CCSER1: variants seen among roughly 807,000 people sequenced by gnomAD.
CCSER1 encodes the protein serine-rich coiled-coil domain-containing protein 1.
Under a neutral mutation model 82.0 loss-of-function variants are expected in CCSER1, and 41 were observed. That is an observed-to-expected ratio of 0.50 (90% CI 0.39 to 0.65). The LOEUF is 0.65. CCSER1 is among the 30% of genes least tolerant of loss of function. The pLI is 0.00. For synonymous variants in CCSER1, 414 were observed against 383.9 expected (o/e 1.08, Z -0.92); for missense variants, 1,119 against 1,064.2 (o/e 1.05, Z -0.72).
At chr4:91,292,926 A>G (rs1028680111) in intron 10 of CCSER1, among the ~76,000 whole-genome samples, 10 of 151,924 alleles carry the variant, frequency 6.6e-5, no homozygotes, top group Non-Finnish European at 1.5e-4. Context: ...CCCATATGAC[A>G]TCTACAGAGA....
At chr4:90,896,196 G>A (rs1723684170) in intron 8 of CCSER1, among the ~76,000 whole-genome samples, 1 of 151,924 alleles carries the variant, frequency 6.6e-6, no homozygotes, top group Non-Finnish European at 1.5e-5. Flanking sequence ...GCCTTTCACT[G>A]GTACAAGGAA....
chr4:90,222,837 C>A (rs557563630), intron 1 of CCSER1, among the ~76,000 whole-genome samples: 2 of 152,236 alleles, frequency 1.3e-5, no homozygotes, highest in South Asian at 4.1e-4. Context: ...TGCAGAGTTT[C>A]TGTGAACCCT....
chr4:91,549,808 C>A (rs1298751174), intron 10 of CCSER1, among the ~76,000 whole-genome samples: 1 of 152,096 alleles, frequency 6.6e-6, no homozygotes, highest in Non-Finnish European at 1.5e-5. Context: ...GCACTTCAAC[C>A]TGGGCAACAG....
chr4:91,456,776 G>T (rs1477737049), intron 10 of CCSER1, among the ~76,000 whole-genome samples: 1 of 151,824 alleles, frequency 6.6e-6, no homozygotes, highest in Non-Finnish European at 1.5e-5. Context: ...ACTTAAGTTG[G>T]TCAGGAACCA....
At chr4:90,965,262 T>C (rs1472963608) in intron 9 of CCSER1, among the ~76,000 whole-genome samples, 2 of 152,072 alleles carry the variant, frequency 1.3e-5, no homozygotes, top group African/African-American at 4.8e-5. Flanking sequence ...TGGGAGATGA[T>C]ATGTCTACAG....
intron 9 of CCSER1, among the ~76,000 whole-genome samples, chr4:91,034,000 G>A (rs1388191702): frequency 6.6e-6 from 1 of 152,130 alleles, no homozygotes; most frequent in African/African-American, 2.4e-5. Context: ...CAAAGAGGAA[G>A]CACCCTTTGG....
chr4:90,332,382 G>A lies in CCSER1; in HGVS notation c.1509+19335G>A, dbSNP rs540469364. 2.2e-4 allele frequency among the ~76,000 whole-genome samples: 34 copies of A among 151,752 alleles called. No homozygotes were observed. The South Asian group carries it at 3.1e-3, about 14-fold the overall frequency. On this transcript the variant is annotated intron_variant, in intron 3 of 10. Transcript: ENST00000509176. ...CTCCCACGTAGCTGGGATTACAAGC[G>A]TGCGCTACCACCCTGGGCTAACTTT...
intron 10 of CCSER1, among the ~76,000 whole-genome samples, chr4:91,173,675 T>A: frequency 6.6e-6 from 1 of 151,756 alleles, no homozygotes; most frequent in Middle Eastern, 3.2e-3. Flanking sequence ...AGGAAAAGAC[T>A]GGAGTATGCA....
chr4:90,411,063 G>A lies in CCSER1; in HGVS notation c.1603+10934G>A, dbSNP rs189627090. Among the ~76,000 whole-genome samples the A allele has an allele frequency of 1.2e-4, 18 of 152,224 alleles. No individual in the cohort carries two copies. The East Asian group carries it at 2.7e-3, about 23-fold the overall frequency. ...ATTCCTGGACACATACACCTCCTAA[G>A]GCTAAACCAGGAAGAAGTTGAATCA... On this transcript the variant is annotated intron_variant, in intron 4 of 10. Coordinates refer to ENST00000509176, the MANE Select transcript of CCSER1 (RefSeq NM_001145065.2).
chr4:90,363,386 A>G (rs1011275353), intron 3 of CCSER1, among the ~76,000 whole-genome samples: 1 of 152,280 alleles, frequency 6.6e-6, no homozygotes, highest in East Asian at 1.9e-4. Flanking sequence ...AGAGAAAATC[A>G]TAGACTTTTT....
chr4:90,954,490 A>T (rs577312797), intron 9 of CCSER1, among the ~76,000 whole-genome samples: 9 of 152,200 alleles, frequency 5.9e-5, no homozygotes, highest in African/African-American at 1.9e-4. Context: ...GTGAATCACA[A>T]GGATCTGAAG....
At chr4:91,357,554 C>T (rs1252314759) in intron 10 of CCSER1, among the ~76,000 whole-genome samples, 1 of 151,764 alleles carries the variant, frequency 6.6e-6, no homozygotes, top group Admixed American at 6.6e-5. Flanking sequence ...TTTTTTTAAC[C>T]TTTTAATGTA....
At chr4:91,356,827 G>T (rs1463575530) in intron 10 of CCSER1, among the ~76,000 whole-genome samples, 1 of 152,142 alleles carries the variant, frequency 6.6e-6, no homozygotes, top group Non-Finnish European at 1.5e-5. Context: ...CCTCGGGGAT[G>T]ACCTGCAGGG....
intron 9 of CCSER1, among the ~76,000 whole-genome samples, chr4:90,957,819 G>T (rs1261556858): frequency 6.7e-6 from 1 of 150,244 alleles, no homozygotes; most frequent in African/African-American, 2.5e-5. Flanking sequence ...TAAATATTTA[G>T]GCAATACTCA....
chr4:90,201,543 ATAT>A (rs1371906579), intron 1 of CCSER1, among the ~76,000 whole-genome samples: 7 of 149,242 alleles, frequency 4.7e-5, no homozygotes, highest in Admixed American at 2.0e-4. Flanking sequence ...TATATCTAAA[ATAT>A]TATAATTTAA....
At chr4:91,049,662 T>G (rs1742826078) in intron 9 of CCSER1, among the ~76,000 whole-genome samples, 1 of 152,260 alleles carries the variant, frequency 6.6e-6, no homozygotes, top group East Asian at 1.9e-4. Context: ...TGTGGGAAAA[T>G]CTAAATGTAA....
chr4:90,794,841 C>A (rs1432660877), intron 7 of CCSER1, among the ~76,000 whole-genome samples: 1 of 152,102 alleles, frequency 6.6e-6, no homozygotes, highest in Non-Finnish European at 1.5e-5. Flanking sequence ...TCTGTGATTT[C>A]TTCGAGAAGT....
At chr4:91,271,661 A>C (rs1742035391) in intron 10 of CCSER1, among the ~76,000 whole-genome samples, 2 of 152,052 alleles carry the variant, frequency 1.3e-5, no homozygotes, top group South Asian at 4.1e-4. Flanking sequence ...ACATATATAC[A>C]CACATATATA....
intron 9 of CCSER1, among the ~76,000 whole-genome samples, chr4:91,080,373 A>T (rs1183719353): frequency 6.6e-6 from 1 of 152,214 alleles, no homozygotes; most frequent in African/African-American, 2.4e-5. Flanking sequence ...AACCAATGAG[A>T]ACAAAGACAC....
Sources: gnomAD v4.1 joint callset for allele counts (sites outside exome capture counted in the v4.1 genomes callset) on GRCh38, gnomAD v4.1.1 for gene constraint, MANE v1.5 for transcripts, NCBI Gene and HGNC (gene_info 2026-07-23, HGNC 2026-07-21) for gene names.